The following DOCK9 variants were observed in gnomAD, a reference collection of about 807,000 sequenced individuals.
DOCK9 encodes the protein dedicator of cytokinesis 9.
A neutral mutation model predicts 263.3 loss-of-function variants in DOCK9; 89 were observed. The observed-to-expected ratio is 0.34, with a 90% CI of 0.28 to 0.40. The LOEUF is 0.40. Among genes scored for constraint, DOCK9 ranks in the 10% least tolerant of loss-of-function variants. The probability of loss-of-function intolerance (pLI) is 1.00; values close to 1 mark genes in which losing one functional copy is unlikely to be tolerated. For synonymous variants in DOCK9, 976 were observed against 973.1 expected (o/e 1.00, Z -0.06); for missense variants, 2,140 against 2,603.4 (o/e 0.82, Z 3.87).
Position 98,829,880 on chromosome 13 carries a change from C to T in DOCK9, c.4636-124G>A. 4 of 733,792 alleles carry T rather than the reference C, an allele frequency of 5.5e-6. No individual in the cohort carries two copies. The highest frequency in any genetic ancestry group is 2.1e-5 in the Admixed American group (1 of 47,320). 45.5% of individuals were successfully genotyped at this position (733,792 alleles called of 1,614,324 possible). ...AGTGGGGGTTGGGGGGTGCTTTGAG[C>T]AGGGGTCGCTCCGTGTAGGAAACAA... is the stretch of plus-strand genomic sequence containing the variant. On this transcript the variant is annotated intron_variant, in intron 41 of 52. Transcript: ENST00000682017. The surrounding 1 kb of genome is among the most constrained non-coding windows in gnomAD (Gnocchi z 4.1).
rs757776083 is a variant in DOCK9 at position 98,885,073 on chromosome 13, G to A, written c.2280C>T (p.Pro760=). The change falls in exon 21 of 53, where the codon CCC becomes CCT. Residue 760 remains proline, a synonymous_variant. Transcript: ENST00000682017. ...TCACCACCCTTCCGTCTTTCAGGAG[G>A]GGAAGCCAGGAGTAGCCAACTGTTG... The part of the protein sequence containing the change: ...VETQVGYSWL[P]LLKDGRVVTS... 2 of 1,613,584 alleles carry A rather than the reference G, an allele frequency of 1.2e-6. No homozygotes were observed. Among genetic ancestry groups the A allele is most frequent in the South Asian group, 2.2e-5 (2 of 90,964 alleles).
At chr13:98,803,254 T>C (rs9554527) in intron 49 of DOCK9, among the ~76,000 whole-genome samples, 53,797 of 152,120 alleles carry the variant, frequency 0.35, 11,303 homozygotes, top group East Asian at 0.62. Flanking sequence ...TAATCTAAAG[T>C]AGTCTCTAAC....
Position 98,860,086 on chromosome 13 carries a change from C to A in DOCK9, c.3697+319G>T, listed in dbSNP as rs1419592580. ...AGTGTTCCCCTCCCCCCACCACCTG[C>A]AAAAATATCCCTTAACAGTATACAC... is the stretch of plus-strand genomic sequence containing the variant. On this transcript the variant is annotated intron_variant, in intron 33 of 52. Transcript: ENST00000682017. The A allele has an allele frequency of 1.3e-5, 11 of 876,390 alleles. No homozygotes were observed. The South Asian group carries it at 5.9e-4, about 47-fold the overall frequency. 54.3% of individuals were successfully genotyped at this position (876,390 alleles called of 1,614,324 possible).
At chr13:98,816,234 T>C (rs1345478301) in intron 45 of DOCK9, among the ~76,000 whole-genome samples, 1 of 152,174 alleles carries the variant, frequency 6.6e-6, no homozygotes, top group African/African-American at 2.4e-5. Flanking sequence ...CTATGTGTCA[T>C]GAATGAAATT....
chr13:98,919,237 G>A (rs779944463), intron 7 of DOCK9, among the ~76,000 whole-genome samples: 1 of 151,912 alleles, frequency 6.6e-6, no homozygotes, highest in African/African-American at 2.4e-5. Flanking sequence ...AGCTTCCCAA[G>A]TAGCTGGGAT....
intron 7 of DOCK9, among the ~76,000 whole-genome samples, chr13:98,919,140 C>T (rs1328306003): frequency 3.4e-5 from 5 of 149,142 alleles, no homozygotes; most frequent in African/African-American, 1.2e-4. Context: ...GATGGAGTCT[C>T]GCTCTGTCAC....
At chr13:99,073,115 G>A (rs1227691410) in intron 1 of DOCK9, among the ~76,000 whole-genome samples, 2 of 152,178 alleles carry the variant, frequency 1.3e-5, no homozygotes, top group Admixed American at 6.5e-5. Flanking sequence ...TGTTGCCACC[G>A]GCCAGACCAC....
chr13:98,937,320 C>T lies in DOCK9; in HGVS notation c.244-7063G>A, dbSNP rs555057868. ...TGGATAGAAATCTTCACAGCACAAA[C>T]ATAATTTCAAAATAAAAGCCCTTTA... On this transcript the variant is annotated intron_variant, in intron 2 of 52. Transcript: ENST00000682017. Among the ~76,000 whole-genome samples the T allele has an allele frequency of 1.2e-4, 18 of 152,000 alleles. 1 individual carries two copies. In the South Asian group the frequency reaches 3.3e-3, roughly 28 times the overall value.
chr13:98,909,883 T>C (rs2049733752), intron 9 of DOCK9, among the ~76,000 whole-genome samples: 1 of 152,238 alleles, frequency 6.6e-6, no homozygotes, highest in Non-Finnish European at 1.5e-5. Context: ...TGAGACATCA[T>C]ACTTTCCCCT....
At chr13:99,071,280 C>CTACAG (rs988353289) in intron 1 of DOCK9, among the ~76,000 whole-genome samples, 3 of 142,412 alleles carry the variant, frequency 2.1e-5, no homozygotes, top group Non-Finnish European at 4.5e-5. Flanking sequence ...GTAGCTGGAA[C>CTACAG]TACAGGTGCT....
At chr13:98,817,451 C>CTTTTT (rs10683281) in intron 45 of DOCK9, among the ~76,000 whole-genome samples, 28,780 of 91,856 alleles carry the variant, frequency 0.31, 5,497 homozygotes, top group Non-Finnish European at 0.33. Context: ...ATACACCCAG[C>CTTTTT]TTTTTTTTTT....
chr13:98,864,865 A>ATGCGAG (rs2093976311), intron 30 of DOCK9, among the ~76,000 whole-genome samples: 1 of 152,028 alleles, frequency 6.6e-6, no homozygotes, highest in Non-Finnish European at 1.5e-5. Context: ...CTTTGAGTTC[A>ATGCGAG]TGCGAGATCT....
intron 27 of DOCK9, among the ~76,000 whole-genome samples, chr13:98,873,125 T>C (rs2094232363): frequency 6.6e-6 from 1 of 152,196 alleles, no homozygotes; most frequent in Non-Finnish European, 1.5e-5. Context: ...GGGTCACACA[T>C]GTGCTGCCCT....
upstream of DOCK9, among the ~76,000 whole-genome samples, chr13:99,086,876 C>A (rs1335870332): frequency 2.0e-5 from 3 of 151,770 alleles, no homozygotes; most frequent in African/African-American, 7.3e-5. Context: ...CGCCTCCGCC[C>A]CGGGCCGCAC....
chr13:98,912,469 GA>G (rs1312982180), intron 9 of DOCK9, among the ~76,000 whole-genome samples: 1 of 152,102 alleles, frequency 6.6e-6, no homozygotes, highest in African/African-American at 2.4e-5. Context: ...AGCAGGGGTT[GA>G]AATCAAACTG....
rs573331055 is a variant in DOCK9, at chr13:98,879,390, G to A, written c.2943+508C>T. 7.2e-4 allele frequency among the ~76,000 whole-genome samples: 109 copies of A among 152,308 alleles called. 1 individual carries two copies. In the South Asian group the frequency reaches 0.022, roughly 30 times the overall value. Reference sequence around the variant, plus strand: ...CCCCAACGAGATGGATAATCTCAGAGTCTGTTGATTGCTTTTGGAGAACAT... The same window carrying A: ...CCCCAACGAGATGGATAATCTCAGAATCTGTTGATTGCTTTTGGAGAACAT... On this transcript the variant is annotated intron_variant, in intron 27 of 52. Transcript: ENST00000682017.
intron 2 of DOCK9, among the ~76,000 whole-genome samples, chr13:98,951,356 T>A (rs866711267): frequency 1.3e-5 from 2 of 152,228 alleles, no homozygotes; most frequent in African/African-American, 4.8e-5. Flanking sequence ...ATTTACTTGA[T>A]GAATCAAAGA....
chr13:99,029,908 A>C (rs1887154625), intron 1 of DOCK9, among the ~76,000 whole-genome samples: 3 of 152,270 alleles, frequency 2.0e-5, no homozygotes, highest in Admixed American at 6.5e-5. Context: ...GTAAATGGAT[A>C]AACAAAATGT....
chr13:98,881,538 G>T lies in DOCK9; in HGVS notation c.2745+20C>A. 1 of 1,582,394 alleles carries T rather than the reference G, an allele frequency of 6.3e-7. No homozygotes were observed. Among genetic ancestry groups the T allele is most frequent in the South Asian group, 1.2e-5 (1 of 85,994 alleles). On this transcript the variant is annotated intron_variant, in intron 25 of 52. Transcript: ENST00000682017. ...GGAGAGCCACAGATGTAAGTGATCA[G>T]AACAGTGTGTTTTACATACCTTAAC...
Sources: gnomAD v4.1 joint callset for allele counts (sites outside exome capture counted in the v4.1 genomes callset) on GRCh38, gnomAD v4.1.1 for gene constraint, Gnocchi (gnomAD v3.1) non-coding constraint, MANE v1.5 for transcripts, NCBI Gene and HGNC (gene_info 2026-07-23, HGNC 2026-07-21) for gene names.